The following RHCE variants were observed in gnomAD, a reference collection of about 807,000 sequenced individuals.
RHCE encodes the protein Rh blood group CcEe antigens.
RHCE carries 22 observed loss-of-function variants against 43.8 expected under a neutral mutation model. That is an observed-to-expected ratio of 0.50 (90% CI 0.36 to 0.72). The LOEUF (loss-of-function observed/expected upper bound fraction) is 0.72. Ranked by LOEUF, RHCE falls within the 30% of genes least tolerant of loss-of-function variation. The pLI is 0.00. For missense variants in RHCE, 385 were observed against 525.4 expected (o/e 0.73, Z 2.61); for synonymous variants, 156 against 210.7 (o/e 0.74, Z 2.25).
intron 2 of RHCE, among the ~76,000 whole-genome samples, chr1:25,406,630 GTT>G (rs556085440): frequency 6.2e-5 from 5 of 80,594 alleles, no homozygotes; most frequent in African/African-American, 6.9e-5. Context: ...GTTGTTTTTG[GTT>G]TTTTTTTTTT....
intron 6 of RHCE, 56 bp from the exon 7 acceptor site, chr1:25,385,900 C>A: frequency 6.2e-7 from 1 of 1,613,296 alleles, no homozygotes; most frequent in Non-Finnish European, 8.5e-7. Context: ...ATTCCCTACC[C>A]ACCCCTTTCA....
intron 1 of RHCE, among the ~76,000 whole-genome samples, chr1:25,414,786 G>A (rs1045098521): frequency 2.0e-5 from 3 of 152,082 alleles, no homozygotes; most frequent in African/African-American, 7.2e-5. Flanking sequence ...ATGTGAATGA[G>A]GTCATCTGAG....
At chr1:25,371,942 G>C (rs1408944263) in intron 8 of RHCE, among the ~76,000 whole-genome samples, 1 of 148,190 alleles carries the variant, frequency 6.7e-6, no homozygotes, top group African/African-American at 2.7e-5. Flanking sequence ...CAACCAGCAT[G>C]ACGCAGTTAT....
At chr1:25,401,003 T>G (rs2518064) in intron 3 of RHCE, among the ~76,000 whole-genome samples, 2 of 152,132 alleles carry the variant, frequency 1.3e-5, no homozygotes, top group Non-Finnish European at 2.9e-5. Flanking sequence ...GCTGCTCTGG[T>G]CTCCACCTGC....
At chr1:25,426,115 A>G (rs1301480103) in intron 2 of RHCE, among the ~76,000 whole-genome samples, 3 of 152,228 alleles carry the variant, frequency 2.0e-5, no homozygotes, top group Non-Finnish European at 4.4e-5. Context: ...AAAGTGTCAG[A>G]TGTGTAGAAA....
At chr1:25,377,444 C>T (rs1380533202) in intron 7 of RHCE, among the ~76,000 whole-genome samples, 1 of 152,060 alleles carries the variant, frequency 6.6e-6, no homozygotes, top group Non-Finnish European at 1.5e-5. Flanking sequence ...GATCTGCCAG[C>T]CTCAGCCTCC....
At chr1:25,420,852 T>A, upstream of RHCE, 1 of 1,560,842 alleles carries the variant, frequency 6.4e-7, no homozygotes, top group Non-Finnish European at 8.7e-7. Flanking sequence ...CAACACCTAC[T>A]TGAGGGCTTG....
upstream of RHCE, among the ~76,000 whole-genome samples, chr1:25,423,681 C>T (rs1396839051): frequency 6.6e-6 from 1 of 152,206 alleles, no homozygotes; most frequent in African/African-American, 2.4e-5. Context: ...ACTACATTTC[C>T]CGATATTCTG....
intron 3 of RHCE, among the ~76,000 whole-genome samples, chr1:25,400,767 C>T (rs1440977620): frequency 6.6e-6 from 1 of 151,900 alleles, no homozygotes; most frequent in Non-Finnish European, 1.5e-5. Flanking sequence ...GGTTTTCCCT[C>T]CCAGATCTAT....
chr1:25,410,123 C>A (rs1023226929), intron 1 of RHCE, among the ~76,000 whole-genome samples: 1 of 152,044 alleles, frequency 6.6e-6, no homozygotes, highest in African/African-American at 2.4e-5. Context: ...TCTCAAACTC[C>A]TGACCTCAAG....
intron 8 of RHCE, among the ~76,000 whole-genome samples, chr1:25,373,836 C>CTTT (rs59722323): frequency 7.0e-6 from 1 of 143,282 alleles, no homozygotes; most frequent in Admixed American, 6.9e-5. Context: ...TATTTTCTTT[C>CTTT]TTTTTTTTTT....
chr1:25,376,010 C>T (rs898166207), intron 7 of RHCE, among the ~76,000 whole-genome samples: 19 of 152,012 alleles, frequency 1.2e-4, no homozygotes, highest in South Asian at 4.1e-4. Flanking sequence ...AGGCTGAACT[C>T]GAACTCCTGA....
intron 7 of RHCE, among the ~76,000 whole-genome samples, chr1:25,384,366 G>C (rs1646086502): frequency 6.6e-6 from 1 of 151,992 alleles, no homozygotes; most frequent in Non-Finnish European, 1.5e-5. Context: ...GTGGGTGCAA[G>C]CTGAAGAGCT....
intron 8 of RHCE, among the ~76,000 whole-genome samples, chr1:25,371,807 G>A (rs1557597862): frequency 6.6e-6 from 1 of 151,504 alleles, no homozygotes; most frequent in African/African-American, 2.4e-5. Context: ...GCTCCTGATA[G>A]ATTTATCTGT....
chr1:25,424,000 A>T (rs1249521467), upstream of RHCE, among the ~76,000 whole-genome samples: 1 of 152,208 alleles, frequency 6.6e-6, no homozygotes, highest in African/African-American at 2.4e-5. Context: ...ATGGCGCGAA[A>T]GCAACACACA....
rs191032121 is a variant in RHCE, at chr1:25,409,563, G to T, written c.149-694C>A. Reference sequence around the variant, plus strand: ...AGGGCAGGGAGGGGCCCAGCAAAGCGGAGGGTGAGCACTTTGGTTTAATTC... The same window carrying T: ...AGGGCAGGGAGGGGCCCAGCAAAGCTGAGGGTGAGCACTTTGGTTTAATTC... On this transcript the variant is annotated intron_variant, in intron 1 of 9. Coordinates refer to ENST00000294413, the MANE Select transcript of RHCE (RefSeq NM_020485.8). Among the ~76,000 whole-genome samples, 3 of 124,132 alleles carry T rather than the reference G, an allele frequency of 2.4e-5. 1 individual carries two copies. Among genetic ancestry groups the T allele is most frequent in the Non-Finnish European group, 5.5e-5 (3 of 54,306 alleles). 81.4% of individuals were successfully genotyped at this position (124,132 alleles called of 152,430 possible).
At chr1:25,412,382 G>A (rs991416244) in intron 1 of RHCE, among the ~76,000 whole-genome samples, 1 of 152,126 alleles carries the variant, frequency 6.6e-6, no homozygotes, top group Non-Finnish European at 1.5e-5. Context: ...GGGGAGAGGA[G>A]AGTTGCCTGG....
At chr1:25,386,385 G>A (rs1221800321) in intron 6 of RHCE, among the ~76,000 whole-genome samples, 1 of 152,204 alleles carries the variant, frequency 6.6e-6, no homozygotes, top group African/African-American at 2.4e-5. Context: ...AAGAAAGCAT[G>A]AGGCCACACC....
chr1:25,369,062 A>G (rs1645522318), intron 9 of RHCE, among the ~76,000 whole-genome samples: 1 of 151,730 alleles, frequency 6.6e-6, no homozygotes, highest in African/African-American at 2.4e-5. Context: ...TACCCAGCCT[A>G]AATATGTACA....
Sources: allele counts gnomAD v4.1 joint callset (sites outside exome capture counted in the v4.1 genomes callset), GRCh38; gene constraint gnomAD v4.1.1; transcripts MANE v1.5; gene names NCBI Gene and HGNC (gene_info 2026-07-23, HGNC 2026-07-21).